Variants in TCHP observed in about 807,000 individuals in gnomAD.
The protein encoded by TCHP is trichoplein keratin filament binding, also known as trichoplein keratin filament-binding protein.
TCHP carries 81 observed loss-of-function variants against 88.7 expected under a neutral mutation model. That is an observed-to-expected ratio of 0.91 (90% CI 0.76 to 1.10). The LOEUF is 1.10. TCHP is among the 50% of genes least tolerant of loss of function. The probability of loss-of-function intolerance (pLI) is 0.00; values close to 1 mark genes in which losing one functional copy is unlikely to be tolerated. For missense variants in TCHP, 641 were observed against 632.1 expected (o/e 1.01, Z -0.15); for synonymous variants, 232 against 232.5 (o/e 1.00, Z 0.02).
chr12:109,908,206 A>G (rs192964115), intron 6 of TCHP, among the ~76,000 whole-genome samples: 2 of 152,322 alleles, frequency 1.3e-5, no homozygotes, highest in Admixed American at 1.3e-4. Context: ...GTGATTTAGC[A>G]ACTACATTCT....
intron 12 of TCHP, among the ~76,000 whole-genome samples, chr12:109,915,813 T>G (rs190177272): frequency 2.0e-5 from 3 of 152,176 alleles, no homozygotes; most frequent in Admixed American, 2.0e-4. Context: ...TCCACCCTCT[T>G]TGGTCAATCT....
At chr12:109,886,282 C>T in the TCHP span, among the ~76,000 whole-genome samples, 1 of 152,012 alleles carries the variant, frequency 6.6e-6, no homozygotes, top group African/African-American at 2.4e-5. Context: ...GGATTACAGT[C>T]GTCTGCCACC....
intron 1 of TCHP, among the ~76,000 whole-genome samples, chr12:109,902,192 G>C (rs1008621009): frequency 3.3e-5 from 5 of 151,966 alleles, no homozygotes; most frequent in Non-Finnish European, 7.4e-5. Flanking sequence ...TTGTTTTTTT[G>C]AGACAGAGTC....
At chr12:109,909,319 G>C (rs1369148875) in intron 8 of TCHP, among the ~76,000 whole-genome samples, 1 of 152,172 alleles carries the variant, frequency 6.6e-6, no homozygotes, top group African/African-American at 2.4e-5. Context: ...TTCAGTAACT[G>C]TGTTACTTAA....
At position 109,913,057 on chromosome 12, in the gene TCHP, CAG is replaced by C; in HGVS notation, c.1121_1122del (p.Arg374ThrfsTer18). 1.2e-6 allele frequency: 2 copies of C among 1,613,848 alleles called. No homozygotes were observed. Among genetic ancestry groups the C allele is most frequent in the Non-Finnish European group, 1.7e-6 (2 of 1,179,992 alleles). On this transcript the variant is annotated frameshift_variant, in exon 10 of 13. Transcript: ENST00000405876. LOFTEE classifies it high-confidence loss of function. Reference protein sequence around the residue: ...EWARERSARDRLMSEVLTGRQ... With the variant: ...EWARERSARDXLMSEVLTGRQ... ...GGGCCCGAGAGCGCAGCGCACGGGA[CAG>C]ACTGATGAGCGAGGTAATCCCAGCT...
the TCHP span, among the ~76,000 whole-genome samples, chr12:109,895,205 CTTTTTTTTTTT>C: frequency 7.7e-6 from 1 of 130,238 alleles, no homozygotes; most frequent in Non-Finnish European, 1.6e-5. Flanking sequence ...TCAAGAATTA[CTTTTTTTTTTT>C]TTTTTTTTTC....
chr12:109,897,282 G>A (rs1023284043), upstream of TCHP, among the ~76,000 whole-genome samples: 21 of 152,204 alleles, frequency 1.4e-4, no homozygotes, highest in Non-Finnish European at 1.6e-4. Flanking sequence ...GAACTGTGGG[G>A]GCCGGTGAGG....
chr12:109,885,777 C>T, the TCHP span, among the ~76,000 whole-genome samples: 38 of 151,576 alleles, frequency 2.5e-4, no homozygotes, highest in African/African-American at 8.5e-4. Flanking sequence ...CACCGCACCC[C>T]GCCTTTTTTT....
the TCHP span, among the ~76,000 whole-genome samples, chr12:109,885,254 G>A: frequency 6.6e-5 from 10 of 152,338 alleles, no homozygotes; most frequent in Admixed American, 4.6e-4. Context: ...ACAGGCGTAA[G>A]CCACCGAGCC....
At chr12:109,909,548 G>A (rs1269680026) in intron 8 of TCHP, among the ~76,000 whole-genome samples, 3 of 152,194 alleles carry the variant, frequency 2.0e-5, no homozygotes, top group Admixed American at 6.5e-5. Context: ...GGCCAGGTGC[G>A]GTGGCTCCCG....
chr12:109,911,524 A>G (rs375182177), intron 9 of TCHP, among the ~76,000 whole-genome samples: 4 of 149,614 alleles, frequency 2.7e-5, no homozygotes, highest in African/African-American at 9.8e-5. Context: ...AAGTGGGAGG[A>G]TCACTTGAGC....
intron 5 of TCHP, among the ~76,000 whole-genome samples, chr12:109,907,107 T>G (rs1381600485): frequency 6.6e-6 from 1 of 152,202 alleles, no homozygotes; most frequent in Non-Finnish European, 1.5e-5. Flanking sequence ...CAGGCTGGTC[T>G]GGCCTCCTGG....
At chr12:109,888,485 G>T in the TCHP span, 3 of 152,162 alleles carry the variant, frequency 2.0e-5, no homozygotes, top group African/African-American at 4.8e-5. Flanking sequence ...ACTCTGCAAA[G>T]TTTCGTCATT....
the TCHP span, among the ~76,000 whole-genome samples, chr12:109,888,984 C>G: frequency 6.7e-6 from 1 of 148,174 alleles, no homozygotes. Context: ...CTCCTTGAGT[C>G]GAGGAGTTTG....
the TCHP span, among the ~76,000 whole-genome samples, chr12:109,891,635 A>G: frequency 6.6e-6 from 1 of 151,846 alleles, no homozygotes; most frequent in Non-Finnish European, 1.5e-5. Flanking sequence ...TTCTGACCTC[A>G]AGTGATCCAC....
At chr12:109,901,016 A>G (rs1388710233) in intron 1 of TCHP, 2 of 152,222 alleles carry the variant, frequency 1.3e-5, no homozygotes, top group African/African-American at 2.4e-5. Flanking sequence ...TGCTCAGGCA[A>G]TTCCTCTCTC....
chr12:109,888,518 T>G, the TCHP span: 1 of 152,192 alleles, frequency 6.6e-6, no homozygotes, highest in African/African-American at 2.4e-5. Flanking sequence ...CTCCACCCAG[T>G]GTTAATAACA....
At chr12:109,911,419 C>T (rs935875931) in intron 9 of TCHP, among the ~76,000 whole-genome samples, 184 bp downstream of exon 9, 2 of 151,964 alleles carry the variant, frequency 1.3e-5, no homozygotes, top group South Asian at 2.1e-4. Flanking sequence ...TGAGATCAGC[C>T]TGGGCAACAT....
At chr12:109,895,068 C>A in the TCHP span, among the ~76,000 whole-genome samples, 1 of 152,092 alleles carries the variant, frequency 6.6e-6, no homozygotes, top group African/African-American at 2.4e-5. Context: ...TGGACTATGT[C>A]AAGGGTTGAC....
Sources: allele counts gnomAD v4.1 joint callset (sites outside exome capture counted in the v4.1 genomes callset), GRCh38; gene constraint gnomAD v4.1.1; transcripts MANE v1.5; gene names NCBI Gene and HGNC (gene_info 2026-07-23, HGNC 2026-07-21).